RNF157: variants seen among roughly 807,000 people sequenced by gnomAD.
RNF157 encodes the protein E3 ubiquitin ligase RNF157.
Under a neutral mutation model 88.3 loss-of-function variants are expected in RNF157, and 55 were observed. The ratio of observed to expected loss-of-function variants is 0.62; its 90% CI spans 0.50 to 0.78. RNF157 has a LOEUF of 0.78. Ranked by LOEUF, RNF157 falls within the 30% of genes least tolerant of loss-of-function variation. The probability of loss-of-function intolerance (pLI) is 0.00; values close to 1 mark genes in which losing one functional copy is unlikely to be tolerated. For missense variants in RNF157, 788 were observed against 860.8 expected (o/e 0.92, Z 1.06); for synonymous variants, 334 against 341.2 (o/e 0.98, Z 0.23).
chr17:76,187,247 G>T (rs1598413952), intron 2 of RNF157, among the ~76,000 whole-genome samples: 2 of 148,714 alleles, frequency 1.3e-5, no homozygotes, highest in African/African-American at 5.0e-5. Context: ...GCAGTGGTGC[G>T]ATCTCGGCTC....
chr17:76,159,969 G>T (rs2068823638), intron 11 of RNF157, among the ~76,000 whole-genome samples: 1 of 151,730 alleles, frequency 6.6e-6, no homozygotes, highest in African/African-American at 2.4e-5. Flanking sequence ...TTTATATTCT[G>T]CTTATTTTAT....
chr17:76,191,523 A>G (rs1272022081), intron 2 of RNF157, among the ~76,000 whole-genome samples: 1 of 147,158 alleles, frequency 6.8e-6, no homozygotes, highest in Non-Finnish European at 1.5e-5. Flanking sequence ...AATTGCTTGA[A>G]CCCGGAGGTG....
chr17:76,148,261 C>CT (rs56231427), intron 18 of RNF157, among the ~76,000 whole-genome samples: 5,174 of 121,132 alleles, frequency 0.043, 326 homozygotes, highest in African/African-American at 0.11. Flanking sequence ...TTATCTTTGC[C>CT]TTTTTTTTTT....
Position 76,161,970 on chromosome 17 carries a change from G to A in RNF157, c.825C>T (p.Ala275=), listed in dbSNP as rs2144837993. The A allele has an allele frequency of 2.5e-6, 4 of 1,613,990 alleles. No homozygotes were observed. Among genetic ancestry groups the A allele is most frequent in the Middle Eastern group, 1.6e-4 (1 of 6,062 alleles). ...CATCCGAGAGACACACCACACACTC[G>A]GCACTGTTATCACTCACTTCGTCTT... ...VAEDEVSDNS[A]ECVVCLSDVR... The change falls in exon 10 of 19, where the codon GCC becomes GCT. Residue 275 remains alanine, a synonymous_variant. Transcript: ENST00000269391. The surrounding 1 kb of genome is among the most constrained non-coding windows in gnomAD (Gnocchi z 4.6).
In RNF157 at chr17:76,161,433, G is replaced by T; in HGVS notation, c.1065+102C>A. ...TTGCTAAATACTGCAGCATGCCCTG[G>T]TCTAATTCCTTGCTGCAATGCCACG... On this transcript the variant is annotated intron_variant, in intron 11 of 18. Coordinates refer to ENST00000269391, the MANE Select transcript of RNF157 (RefSeq NM_052916.3). This position sits in a 1 kb window ranked among gnomAD's most constrained non-coding sequence, Gnocchi z 4.6. 1.1e-6 allele frequency: 1 copy of T among 889,308 alleles called. No homozygotes were observed. Among genetic ancestry groups the T allele is most frequent in the Non-Finnish European group, 1.9e-6 (1 of 533,962 alleles). 55.1% of individuals were successfully genotyped at this position (889,308 alleles called of 1,614,324 possible). A position where few individuals can be genotyped will look rare whatever the true frequency, so the allele number is the denominator to read the frequency against.
intron 1 of RNF157, among the ~76,000 whole-genome samples, chr17:76,235,375 T>C (rs2145088460): frequency 6.6e-6 from 1 of 152,244 alleles, no homozygotes; most frequent in Admixed American, 6.5e-5. Context: ...TTTTTTTGTA[T>C]TTTTAGTAGA....
chr17:76,231,455 C>T lies in RNF157; in HGVS notation c.88+8698G>A, dbSNP rs1025083062. Among the ~76,000 whole-genome samples, 6 of 152,212 alleles carry T rather than the reference C, an allele frequency of 3.9e-5. 2 individuals carry two copies. The highest frequency in any genetic ancestry group is 3.9e-4 in the Admixed American group (6 of 15,290). ...CTGTCTTTTGAGGCCCACCACCATG[C>T]CTGGCTAATTTTTAAAATTTTTTGT... On this transcript the variant is annotated intron_variant, in intron 1 of 18. Transcript: ENST00000269391.
rs12232523 is a variant in RNF157, at chr17:76,234,362, T to C, written c.88+5791A>G. ...TCATGTGCAAGTTTTTATGTGAATG[T>C]ATTTTCTTCATTTTTCTTGAGCGTA... On this transcript the variant is annotated intron_variant, in intron 1 of 18. Transcript: ENST00000269391. Among the ~76,000 whole-genome samples, 574 of 152,320 alleles carry C rather than the reference T, an allele frequency of 3.8e-3. 15 individuals carry two copies. In the East Asian group the frequency reaches 0.069, roughly 18 times the overall value.
At chr17:76,182,811 ATATATATCCTATATATCCTATATAT>A (rs2069216958) in intron 2 of RNF157, among the ~76,000 whole-genome samples, 1 of 132,790 alleles carries the variant, frequency 7.5e-6, no homozygotes, top group Admixed American at 7.4e-5. Context: ...TATGAGAGAG[ATATATATCCTATATATCCTATATAT>A]GATATATAGG....
chr17:76,219,727 GA>G (rs1481875739), intron 1 of RNF157, among the ~76,000 whole-genome samples: 2 of 152,058 alleles, frequency 1.3e-5, no homozygotes, highest in Admixed American at 1.3e-4. Context: ...ACTACAGAAA[GA>G]GAAACTATTC....
intron 2 of RNF157, among the ~76,000 whole-genome samples, chr17:76,202,200 A>G (rs2069596505): frequency 6.7e-6 from 1 of 150,148 alleles, no homozygotes; most frequent in African/African-American, 2.5e-5. Flanking sequence ...CGTTCCCACC[A>G]TGGGCTTTAG....
At chr17:76,155,431 G>T in intron 15 of RNF157, 114 bp from the exon 16 acceptor site, 1 of 1,442,626 alleles carries the variant, frequency 6.9e-7, no homozygotes, top group Non-Finnish European at 9.7e-7. Flanking sequence ...CTAAGGGAAT[G>T]CCTTGTTTTC....
rs1296233756 is a variant in RNF157 at position 76,226,206 on chromosome 17, C to T, written c.89-13724G>A. 3.9e-5 allele frequency: 63 copies of T among 1,611,802 alleles called. No homozygotes were observed. In the East Asian group the frequency reaches 6.9e-4, roughly 18 times the overall value. On this transcript the variant is annotated intron_variant, in intron 1 of 18. Coordinates refer to ENST00000269391, the MANE Select transcript of RNF157 (RefSeq NM_052916.3). ...TTTATGCACTGAGGGATCATGGCAA[C>T]GTAAGCAGTGGAGTCCGGCTTCCTA...
Position 76,146,145 on chromosome 17 carries a change from TG to T in RNF157, c.1922-793del. 1 of 156,614 alleles carries T rather than the reference TG, an allele frequency of 6.4e-6. No individual in the cohort carries two copies. Among genetic ancestry groups the T allele is most frequent in the Non-Finnish European group, 1.4e-5 (1 of 71,980 alleles). The allele number at this position is 156,614 out of a possible 1,614,324, so 9.7% of individuals were successfully genotyped here. ...GGATCCAATCCTCCACAGCCTCCTG[TG>T]GGCTCACTTCCTGGCCGTGTTGTGA... On this transcript the variant is annotated intron_variant, in intron 18 of 18. Coordinates refer to ENST00000269391, the MANE Select transcript of RNF157 (RefSeq NM_052916.3). This position sits in a 1 kb window ranked among gnomAD's most constrained non-coding sequence, Gnocchi z 4.2.
intron 2 of RNF157, among the ~76,000 whole-genome samples, chr17:76,190,386 C>A (rs1443057975): frequency 6.6e-6 from 1 of 152,000 alleles, no homozygotes; most frequent in Non-Finnish European, 1.5e-5. Flanking sequence ...AGGCTGGCCT[C>A]AAACCCCTGG....
chr17:76,153,480 G>C (rs1244583071), intron 17 of RNF157: 1 of 152,296 alleles, frequency 6.6e-6, no homozygotes, highest in Non-Finnish European at 1.5e-5. Flanking sequence ...ATCCAGGCCG[G>C]GCATACGTGT....
rs565631339 is a variant in RNF157, at chr17:76,177,454, C to T, written c.208-3664G>A. Among the ~76,000 whole-genome samples, 21 of 152,054 alleles carry T rather than the reference C, an allele frequency of 1.4e-4. No individual in the cohort carries two copies. In the East Asian group the frequency reaches 1.9e-3, roughly 14 times the overall value. Reference sequence around the variant, plus strand: ...CTAGGAGTGCACATGCTCGGGGTAGCGCTGACAAGCCAGCCCCCTGCTGCC... The same window carrying T: ...CTAGGAGTGCACATGCTCGGGGTAGTGCTGACAAGCCAGCCCCCTGCTGCC... On this transcript the variant is annotated intron_variant, in intron 2 of 18. Coordinates refer to ENST00000269391, the MANE Select transcript of RNF157 (RefSeq NM_052916.3).
At chr17:76,174,567 T>C (rs887661713) in intron 2 of RNF157, among the ~76,000 whole-genome samples, 1 of 152,198 alleles carries the variant, frequency 6.6e-6, no homozygotes, top group Admixed American at 6.5e-5. Context: ...ATTTGGGCAA[T>C]CAAAATGTTT....
chr17:76,235,853 T>G (rs1238805788), intron 1 of RNF157, among the ~76,000 whole-genome samples: 1 of 151,884 alleles, frequency 6.6e-6, no homozygotes, highest in African/African-American at 2.4e-5. Flanking sequence ...TACAAAAACT[T>G]TAAACATTAG....
Sources: allele counts gnomAD v4.1 joint callset (sites outside exome capture counted in the v4.1 genomes callset), GRCh38; gene constraint gnomAD v4.1.1; non-coding constraint Gnocchi (gnomAD v3.1); transcripts MANE v1.5; gene names NCBI Gene and HGNC (gene_info 2026-07-23, HGNC 2026-07-21).